Variants in GRXCR1 observed in about 807,000 individuals in gnomAD.
GRXCR1 encodes glutaredoxin domain-containing cysteine-rich protein 1.
GRXCR1 carries 27 observed loss-of-function variants against 27.3 expected under a neutral mutation model. The ratio of observed to expected loss-of-function variants is 0.99; its 90% CI spans 0.73 to 1.37. The LOEUF (loss-of-function observed/expected upper bound fraction) is 1.37, where lower values mean the gene tolerates loss of function less well. Among genes scored for constraint, GRXCR1 ranks in the 40% most tolerant of loss-of-function variants. The probability of loss-of-function intolerance (pLI) is 0.00; values close to 1 mark genes in which losing one functional copy is unlikely to be tolerated. For missense variants in GRXCR1, 379 were observed against 354.4 expected (o/e 1.07, Z -0.56); for synonymous variants, 122 against 131.1 (o/e 0.93, Z 0.47).
chr4:42,986,825 A>G lies in GRXCR1; in HGVS notation c.627+23691A>G, dbSNP rs138138607. ...CCTCTCTCATGTGGGACAAGTCTAG[A>G]TATGTCTCCTTGTAGAGCCTCCAGG... On this transcript the variant is annotated intron_variant, in intron 2 of 3. Transcript: ENST00000399770. Among the ~76,000 whole-genome samples the G allele has an allele frequency of 6.5e-4, 99 of 152,150 alleles. 1 individual carries two copies. The highest frequency in any genetic ancestry group is 2.2e-3 in the African/African-American group (93 of 41,500).
At chr4:42,940,303 CT>C (rs2109762474) in intron 1 of GRXCR1, among the ~76,000 whole-genome samples, 1 of 152,210 alleles carries the variant, frequency 6.6e-6, no homozygotes, top group South Asian at 2.1e-4. Context: ...GCTTCAGTTA[CT>C]TCTGCTTCAG....
At chr4:43,005,941 C>A (rs1490675596) in intron 2 of GRXCR1, among the ~76,000 whole-genome samples, 1 of 152,106 alleles carries the variant, frequency 6.6e-6, no homozygotes, top group African/African-American at 2.4e-5. Context: ...GTCAGGGACC[C>A]CAAATGGAGG....
intron 2 of GRXCR1, among the ~76,000 whole-genome samples, chr4:43,016,693 C>T (rs1712942177): frequency 1.3e-5 from 2 of 151,918 alleles, no homozygotes; most frequent in African/African-American, 4.8e-5. Context: ...ATAGCTTTAA[C>T]ACAGCACAGT....
rs182611700 is a variant in GRXCR1, at chr4:43,019,976, A to C, written c.628-378A>C. Among the ~76,000 whole-genome samples the C allele has an allele frequency of 1.4e-3, 209 of 152,192 alleles. 1 individual carries two copies. The highest frequency in any genetic ancestry group is 5.0e-3 in the African/African-American group (208 of 41,540). ...TGTCTAGTACTGCTTGGAGTAAGGT[A>C]GAGATAACCGAGGGTGGGAATTTGC... On this transcript the variant is annotated intron_variant, in intron 2 of 3. Coordinates refer to ENST00000399770, the MANE Select transcript of GRXCR1 (RefSeq NM_001080476.3).
intron 2 of GRXCR1, among the ~76,000 whole-genome samples, chr4:43,015,297 A>G (rs1712896916): frequency 6.6e-6 from 1 of 152,200 alleles, no homozygotes; most frequent in African/African-American, 2.4e-5. Flanking sequence ...AACAAGTAGT[A>G]TGAGGTAAAC....
At chr4:42,976,421 A>G (rs1748521946) in intron 2 of GRXCR1, among the ~76,000 whole-genome samples, 3 of 152,094 alleles carry the variant, frequency 2.0e-5, no homozygotes, top group Admixed American at 2.0e-4. Context: ...TATCTTTAAA[A>G]GATGCTATGT....
At chr4:42,926,665 T>G (rs1747165770) in intron 1 of GRXCR1, among the ~76,000 whole-genome samples, 1 of 152,120 alleles carries the variant, frequency 6.6e-6, no homozygotes, top group Non-Finnish European at 1.5e-5. Flanking sequence ...TTTCTGTTAG[T>G]TGCAGATCAT....
chr4:42,893,229 CAGAATGCTGTA>C lies in GRXCR1; in HGVS notation c.-36_-26del. ...TGGACTAGTGCAGTAACAACGGGTC[CAGAATGCTGTA>C]AACTGTTCATATGGGTGGAGGTGAC... is the stretch of plus-strand genomic sequence containing the variant. On this transcript the variant is annotated 5_prime_UTR_variant, in exon 1 of 4. It removes an upstream start codon present in the reference 5' UTR. Coordinates refer to ENST00000399770, the MANE Select transcript of GRXCR1 (RefSeq NM_001080476.3). 6.2e-7 allele frequency: 1 copy of C among 1,612,502 alleles called. No individual in the cohort carries two copies. Among genetic ancestry groups the C allele is most frequent in the Non-Finnish European group, 8.5e-7 (1 of 1,179,386 alleles).
In GRXCR1 at chr4:42,893,255, G is replaced by C. The variant is rs1746272560; in HGVS notation, c.-12G>C. 1 of 1,613,272 alleles carries C rather than the reference G, an allele frequency of 6.2e-7. No homozygotes were observed. Among genetic ancestry groups the C allele is most frequent in the Non-Finnish European group, 8.5e-7 (1 of 1,179,640 alleles). On this transcript the variant is annotated 5_prime_UTR_variant, in exon 1 of 4. Transcript: ENST00000399770. The stretch of plus-strand genomic sequence containing the variant: ...AGAATGCTGTAAACTGTTCATATGG[G>C]TGGAGGTGACCATGCTTAAAAGGGA...
chr4:42,966,282 T>C (rs202079904), intron 2 of GRXCR1, among the ~76,000 whole-genome samples: 1 of 151,980 alleles, frequency 6.6e-6, no homozygotes, highest in East Asian at 1.9e-4. Flanking sequence ...ATCATGAGCC[T>C]CCACAGTAGA....
intron 2 of GRXCR1, among the ~76,000 whole-genome samples, chr4:42,988,608 T>G (rs1297390922): frequency 1.3e-5 from 2 of 152,208 alleles, no homozygotes; most frequent in African/African-American, 4.8e-5. Context: ...AGAAGAAACC[T>G]TGGTGAATTT....
chr4:43,027,019 G>T (rs1210533741), intron 3 of GRXCR1, among the ~76,000 whole-genome samples: 5 of 152,192 alleles, frequency 3.3e-5, no homozygotes, highest in Non-Finnish European at 5.9e-5. Context: ...ACCAGAAGGC[G>T]AAGTATGGAA....
At chr4:42,947,739 T>A (rs1385031342) in intron 1 of GRXCR1, among the ~76,000 whole-genome samples, 1 of 149,646 alleles carries the variant, frequency 6.7e-6, no homozygotes, top group Non-Finnish European at 1.5e-5. Flanking sequence ...CCAGAAATAA[T>A]TTTTTCTTCC....
chr4:42,893,498 G>A lies in GRXCR1; in HGVS notation c.232G>A (p.Asp78Asn). ...AGGTGATGAGAATGAGAATGACCAG[G>A]ATAGCTTGCTGGTGTTAGCAAGGGC... ...SEGDENENDQ[D>N]SLLVLARAAS... Residue 78 changes from aspartate (D) to asparagine (N), a missense_variant, in exon 1 of 4, where the codon GAT becomes AAT. Transcript: ENST00000399770. 1 of 1,613,876 alleles carries A rather than the reference G, an allele frequency of 6.2e-7. No individual in the cohort carries two copies. The highest frequency in any genetic ancestry group is 8.5e-7 in the Non-Finnish European group (1 of 1,179,832).
intron 2 of GRXCR1, among the ~76,000 whole-genome samples, chr4:43,018,994 T>C (rs935317288): frequency 6.6e-6 from 1 of 152,204 alleles, no homozygotes; most frequent in African/African-American, 2.4e-5. Context: ...ATGTATCAGT[T>C]TGACATTTTT....
chr4:42,928,163 C>G (rs1341864663), intron 1 of GRXCR1, among the ~76,000 whole-genome samples: 1 of 151,928 alleles, frequency 6.6e-6, no homozygotes, highest in East Asian at 1.9e-4. Flanking sequence ...TAGTGACACA[C>G]CCTGGGAATG....
intron 1 of GRXCR1, among the ~76,000 whole-genome samples, chr4:42,929,180 T>G (rs1418544717): frequency 1.3e-5 from 2 of 151,958 alleles, no homozygotes; most frequent in Non-Finnish European, 2.9e-5. Context: ...GATGACCAGC[T>G]GTCACACAAG....
chr4:42,915,856 A>G (rs1267020799), intron 1 of GRXCR1, among the ~76,000 whole-genome samples: 1 of 152,140 alleles, frequency 6.6e-6, no homozygotes, highest in Non-Finnish European at 1.5e-5. Flanking sequence ...TGTCATGTTT[A>G]GATTTTTTTA....
At chr4:42,970,080 C>A (rs1426672979) in intron 2 of GRXCR1, among the ~76,000 whole-genome samples, 1 of 152,154 alleles carries the variant, frequency 6.6e-6, no homozygotes. Context: ...CCAAAATAAT[C>A]TCCTGTGACT....
Sources: allele counts gnomAD v4.1 joint callset (sites outside exome capture counted in the v4.1 genomes callset), GRCh38; gene constraint gnomAD v4.1.1; transcripts MANE v1.5; gene names NCBI Gene and HGNC (gene_info 2026-07-23, HGNC 2026-07-21).